Variants in LSG1 observed in about 807,000 individuals in gnomAD.
LSG1 encodes large subunit GTPase 1 homolog.
In LSG1, 55 loss-of-function variants were observed where a neutral mutation model predicts 82.6. The observed-to-expected ratio is 0.67, with a 90% CI of 0.54 to 0.83. LSG1 has a LOEUF of 0.83. LSG1 is among the 40% of genes least tolerant of loss of function. The pLI is 0.00. For synonymous variants in LSG1, 272 were observed against 282.5 expected, an observed-to-expected ratio of 0.96 and a Z score of 0.37; for missense variants, 809 against 807.9, an observed-to-expected ratio of 1.00 and a Z score of -0.02.
In LSG1 at chr3:194,648,931, G is replaced by C. The variant is rs1718613580; in HGVS notation, c.1420-127C>G. On this transcript the variant is annotated intron_variant, in intron 10 of 13. Transcript: ENST00000265245. Reference sequence around the variant, plus strand: ...ACACTCTCTCCTCTCCAAAGGAAGAGGATAGTTTTTGATTAATCTAAAAAG... The same window carrying C: ...ACACTCTCTCCTCTCCAAAGGAAGACGATAGTTTTTGATTAATCTAAAAAG... 3.2e-5 allele frequency: 30 copies of C among 940,188 alleles called. No homozygotes were observed. In the South Asian group the frequency reaches 4.4e-4, roughly 14 times the overall value. 58.2% of individuals were successfully genotyped at this position (940,188 alleles called of 1,614,324 possible).
At chr3:194,646,660 A>G (rs989545135) in intron 11 of LSG1, among the ~76,000 whole-genome samples, 1 of 152,164 alleles carries the variant, frequency 6.6e-6, no homozygotes, top group African/African-American at 2.4e-5. Flanking sequence ...ACCTGGGATT[A>G]CAGGCGCATG....
rs1718867692 is a variant in LSG1, at chr3:194,659,065, C to CAGCA, written c.647_650dup (p.Thr218AlafsTer4). 1.2e-6 allele frequency: 2 copies of CAGCA among 1,614,074 alleles called. No homozygotes were observed. Among genetic ancestry groups the CAGCA allele is most frequent in the South Asian group, 2.2e-5 (2 of 91,086 alleles). On this transcript the variant is annotated frameshift_variant, in exon 7 of 14. Transcript: ENST00000265245. LOFTEE classifies it high-confidence loss of function. ...CCCAGGCACTCCGCTGCTCAGCAGT[C>CAGCA]AGCAAGTCTGCCTTGTTGATCAGAA... is the stretch of plus-strand genomic sequence containing the variant.
intron 1 of LSG1, 38 bp downstream of exon 1, chr3:194,672,026 G>C: frequency 1.3e-6 from 2 of 1,582,116 alleles, no homozygotes; most frequent in South Asian, 1.1e-5. Context: ...ACTCAGGCTA[G>C]ACAGAAAAGA....
In LSG1 at chr3:194,641,984, C is replaced by T; in HGVS notation, c.*84G>A. ...AGGGCCCGTTCTACAGTGCTAGTGTCTTGGGACGGTTCCACAGGCAACAGG... is the reference window on the plus strand; with the variant it reads ...AGGGCCCGTTCTACAGTGCTAGTGTTTTGGGACGGTTCCACAGGCAACAGG... On this transcript the variant is annotated 3_prime_UTR_variant, in exon 14 of 14. Coordinates refer to ENST00000265245, the MANE Select transcript of LSG1 (RefSeq NM_018385.3). 6.8e-7 allele frequency: 1 copy of T among 1,471,852 alleles called. No individual in the cohort carries two copies. Among genetic ancestry groups the T allele is most frequent in the South Asian group, 1.3e-5 (1 of 78,114 alleles). 91.2% of individuals were successfully genotyped at this position (1,471,852 alleles called of 1,614,324 possible).
In LSG1 at chr3:194,670,118, G is replaced by A. The variant is rs1290363913; in HGVS notation, c.117C>T (p.Leu39=). 1 of 1,603,058 alleles carries A rather than the reference G, an allele frequency of 6.2e-7. No homozygotes were observed. The highest frequency in any genetic ancestry group is 8.5e-7 in the Non-Finnish European group (1 of 1,176,438). ...HTDSWLHTSE[L]NDGYDWGRLN... ...GACGACCCCAATCATAGCCATCATT[G>A]AGTTCACTTGTGTGCAACTATGAAA... Residue 39 remains leucine (L), a synonymous_variant, in exon 2 of 14, where the codon CTC becomes CTT. Coordinates refer to ENST00000265245, the MANE Select transcript of LSG1 (RefSeq NM_018385.3).
Position 194,665,634 on chromosome 3 carries a change from C to T in LSG1, c.444G>A (p.Glu148=), listed in dbSNP as rs558564542. The T allele has an allele frequency of 9.3e-5, 149 of 1,608,438 alleles. No homozygotes were observed. The South Asian group carries it at 1.6e-3, about 17-fold the overall frequency. The change falls in exon 5 of 14, where the codon GAG becomes GAA. Residue 148 remains glutamate, a synonymous_variant. Coordinates refer to ENST00000265245, the MANE Select transcript of LSG1 (RefSeq NM_018385.3). ...EWRRQLVRLE[E]EQKLILTPFE... ...ATGGAGTCAATATCAGCTTCTGTTC[C>T]TCTTCTAGCCTAGTTTTTGAATGAG...
chr3:194,653,451 G>A (rs1718723270), intron 7 of LSG1, among the ~76,000 whole-genome samples: 1 of 151,886 alleles, frequency 6.6e-6, no homozygotes, highest in Admixed American at 6.6e-5. Flanking sequence ...AGAGGCGGAG[G>A]GTGCAGTGAG....
chr3:194,645,798 A>C (rs1413243445), intron 12 of LSG1, among the ~76,000 whole-genome samples: 1 of 152,228 alleles, frequency 6.6e-6, no homozygotes, highest in Non-Finnish European at 1.5e-5. Flanking sequence ...TATTTCTAGC[A>C]GGGTTAGCTT....
At chr3:194,654,294 G>A (rs1046848082) in intron 7 of LSG1, among the ~76,000 whole-genome samples, 2 of 152,066 alleles carry the variant, frequency 1.3e-5, no homozygotes, top group Non-Finnish European at 1.5e-5. Flanking sequence ...TCTACTCAAG[G>A]GTGTGTTAAT....
chr3:194,659,927 C>T, intron 6 of LSG1, 146 bp downstream of exon 6: 2 of 654,760 alleles, frequency 3.1e-6, no homozygotes, highest in Non-Finnish European at 5.5e-6. Flanking sequence ...TGGCGTTCTG[C>T]AAGCTCCTGG....
intron 5 of LSG1, among the ~76,000 whole-genome samples, chr3:194,662,536 G>A (rs1315073872): frequency 2.0e-5 from 3 of 152,198 alleles, no homozygotes; most frequent in Admixed American, 2.0e-4. Context: ...GCTGAAGTGG[G>A]TGGATCACCT....
rs767537841 is a variant in LSG1, at chr3:194,641,739, G to A, written c.*329C>T. 6.9e-5 allele frequency: 12 copies of A among 174,292 alleles called. No homozygotes were observed. The highest frequency in any genetic ancestry group is 1.2e-4 in the Admixed American group (2 of 16,446). The allele number at this position is 174,292 out of a possible 1,614,324, so 10.8% of individuals were successfully genotyped here. Reference sequence around the variant, plus strand: ...AGTGATTCTCCTGCCTCAGCCTCCCGAGTAGCTGGGATTACAGGTGCGCGC... The same window carrying A: ...AGTGATTCTCCTGCCTCAGCCTCCCAAGTAGCTGGGATTACAGGTGCGCGC... On this transcript the variant is annotated 3_prime_UTR_variant, in exon 14 of 14. Transcript: ENST00000265245.
chr3:194,653,289 C>A (rs779016759), intron 7 of LSG1, 147 bp from the exon 8 acceptor site: 255 of 702,182 alleles, frequency 3.6e-4, no homozygotes, highest in Admixed American at 1.4e-3. Context: ...CCAAGGTGCG[C>A]AGATCATTTG....
In LSG1 at chr3:194,642,122, G is replaced by T. The variant is rs1718408135; in HGVS notation, c.1923C>A (p.Gly641=). The change falls in exon 14 of 14, where the codon GGC becomes GGA. Residue 641 remains glycine, a synonymous_variant. Coordinates refer to ENST00000265245, the MANE Select transcript of LSG1 (RefSeq NM_018385.3). The part of the protein sequence containing the change: ...NGAGKPWKKH[G]NRNKKEKSRR... ...GACTTTTTTCTTTTTTATTTCTGTT[G>T]CCATGTTTTTTCCAGGGCTTCCCCG... The T allele has an allele frequency of 1.2e-6, 2 of 1,613,600 alleles. No individual in the cohort carries two copies. Among genetic ancestry groups the T allele is most frequent in the Non-Finnish European group, 1.7e-6 (2 of 1,180,012 alleles).
At chr3:194,648,075 A>G (rs990326530) in intron 11 of LSG1, among the ~76,000 whole-genome samples, 1 of 117,940 alleles carries the variant, frequency 8.5e-6, no homozygotes, top group Non-Finnish European at 1.8e-5. Context: ...CCACACTGCT[A>G]TTTTTTTTTT....
intron 10 of LSG1, among the ~76,000 whole-genome samples, chr3:194,649,380 T>A (rs1198417986): frequency 6.6e-6 from 1 of 152,176 alleles, no homozygotes; most frequent in Non-Finnish European, 1.5e-5. Context: ...GTCTCACTAT[T>A]AATTTACAGA....
At chr3:194,645,452 A>C (rs1240413034) in intron 12 of LSG1, 1 of 151,824 alleles carries the variant, frequency 6.6e-6, no homozygotes, top group Non-Finnish European at 1.5e-5. Flanking sequence ...AATAGATAAC[A>C]ATTACTGGGG....
chr3:194,668,992 C>T (rs1321595110), intron 2 of LSG1, among the ~76,000 whole-genome samples: 1 of 151,988 alleles, frequency 6.6e-6, no homozygotes, highest in Non-Finnish European at 1.5e-5. Flanking sequence ...GGAATAAAGC[C>T]GAGCTCATAG....
At chr3:194,646,309 T>A (rs1718553442) in intron 11 of LSG1, 66 bp from the exon 12 acceptor site, 1 of 1,197,682 alleles carries the variant, frequency 8.3e-7, no homozygotes, top group Admixed American at 1.7e-5. Context: ...ACAACTGAGG[T>A]GATGTAGCTT....
Sources: gnomAD v4.1 joint callset for allele counts (sites outside exome capture counted in the v4.1 genomes callset) on GRCh38, gnomAD v4.1.1 for gene constraint, MANE v1.5 for transcripts, NCBI Gene and HGNC (gene_info 2026-07-23, HGNC 2026-07-21) for gene names.